The following DMRT3 variants were observed in gnomAD, a reference collection of about 807,000 sequenced individuals.
DMRT3 encodes doublesex and mab-3 related transcription factor 3.
In DMRT3, 29 loss-of-function variants were observed where a neutral mutation model predicts 34.9. The ratio of observed to expected loss-of-function variants is 0.83; its 90% CI spans 0.62 to 1.13. The LOEUF (loss-of-function observed/expected upper bound fraction) is 1.13, where lower values mean the gene tolerates loss of function less well. Among genes scored for constraint, DMRT3 ranks in the 50% most tolerant of loss-of-function variants. DMRT3 has a pLI of 0.00. For synonymous variants in DMRT3, 350 were observed against 286.0 expected (o/e 1.22, Z -2.26); for missense variants, 772 against 629.1 (o/e 1.23, Z -2.43).
rs770965646 is a variant in DMRT3, at chr9:990,909, G to A, written c.1323G>A (p.Gly441=). The part of the protein sequence containing the change: ...EDPRISIPDD[G]CPFVSKQSIY... ...CTCGGATTTCCATCCCTGATGATGG[G>A]TGTCCATTTGTGTCAAAGCAGTCCA... The change falls in exon 2 of 2, where the codon GGG becomes GGA. Residue 441 remains glycine (G), a synonymous_variant. Transcript: ENST00000190165. The A allele has an allele frequency of 1.2e-6, 2 of 1,614,138 alleles. No homozygotes were observed. The highest frequency in any genetic ancestry group is 1.7e-5 in the Admixed American group (1 of 60,028).
chr9:978,580 A>G (rs928347691), intron 1 of DMRT3, among the ~76,000 whole-genome samples: 3 of 152,208 alleles, frequency 2.0e-5, no homozygotes, highest in African/African-American at 7.2e-5. Context: ...CTTCGGAGAA[A>G]GGCTTTCAGG....
At position 990,655 on chromosome 9, in the gene DMRT3, C is replaced by T. The variant is rs763729069; in HGVS notation, c.1069C>T (p.Pro357Ser). The T allele has an allele frequency of 1.9e-5, 31 of 1,613,912 alleles. No individual in the cohort carries two copies. The highest frequency in any genetic ancestry group is 6.7e-5 in the African/African-American group (5 of 74,904). Reference sequence around the variant, plus strand: ...CGTTGTCCCCAGTCCCTTGGCTGGGCCTCTGCAGCCCCCTTTCCCCCAGCC... The same window carrying T: ...CGTTGTCCCCAGTCCCTTGGCTGGGTCTCTGCAGCCCCCTTTCCCCCAGCC... ...SNVVPSPLAG[P>S]LQPPFPQPPR... Residue 357 changes from proline (P) to serine (S), a missense_variant, in exon 2 of 2, where the codon CCT becomes TCT. Coordinates refer to ENST00000190165, the MANE Select transcript of DMRT3 (RefSeq NM_021240.4).
chr9:979,482 C>CGAG (rs959805615), intron 1 of DMRT3, among the ~76,000 whole-genome samples: 1 of 152,058 alleles, frequency 6.6e-6, no homozygotes, highest in African/African-American at 2.4e-5. Context: ...TTTGGGGGAC[C>CGAG]GAGGCATCAG....
chr9:991,595 A>G lies in DMRT3; in HGVS notation c.*590A>G, dbSNP rs1820364558. On this transcript the variant is annotated 3_prime_UTR_variant, in exon 2 of 2. Coordinates refer to ENST00000190165, the MANE Select transcript of DMRT3 (RefSeq NM_021240.4). ...ACTCTTTTCACATGGCTGAATCGAA[A>G]CATGTGTAATGTCAATGTAAAACCA... is the stretch of plus-strand genomic sequence containing the variant. 1 of 152,862 alleles carries G rather than the reference A, an allele frequency of 6.5e-6. No individual in the cohort carries two copies. Among genetic ancestry groups the G allele is most frequent in the Non-Finnish European group, 1.5e-5 (1 of 68,216 alleles). The allele number at this position is 152,862 out of a possible 1,614,324, so 9.5% of individuals were successfully genotyped here. A position where few individuals can be genotyped will look rare whatever the true frequency, so the allele number is the denominator to read the frequency against.
chr9:978,556 G>A (rs1159341991), intron 1 of DMRT3, among the ~76,000 whole-genome samples: 1 of 152,234 alleles, frequency 6.6e-6, no homozygotes, highest in Non-Finnish European at 1.5e-5. Flanking sequence ...ACTCCCTAAA[G>A]ACGGTACCCC....
chr9:989,250 G>C (rs191947794), intron 1 of DMRT3, among the ~76,000 whole-genome samples: 2 of 152,200 alleles, frequency 1.3e-5, no homozygotes, highest in Non-Finnish European at 2.9e-5. Flanking sequence ...AGTGTGATGC[G>C]TTGTTTCATT....
At position 977,299 on chromosome 9, in the gene DMRT3, CCGGGGGACGCCGT is replaced by C; in HGVS notation, c.301_313del (p.Gly101ProfsTer49). On this transcript the variant is annotated frameshift_variant, in exon 1 of 2. Coordinates refer to ENST00000190165, the MANE Select transcript of DMRT3 (RefSeq NM_021240.4). LOFTEE classifies it high-confidence loss of function. The stretch of plus-strand genomic sequence containing the variant: ...GCGCGCTCTGCCAGGGCCCCCGCCG[CCGGGGGACGCCGT>C]CGCCGCCCCGCAGCCGCCGCCAGCC... The C allele has an allele frequency of 2.2e-6, 3 of 1,368,906 alleles. No homozygotes were observed. The highest frequency in any genetic ancestry group is 1.9e-6 in the Non-Finnish European group (2 of 1,056,716). 84.8% of individuals were successfully genotyped at this position (1,368,906 alleles called of 1,614,324 possible). A position where few individuals can be genotyped will look rare whatever the true frequency, so the allele number is the denominator to read the frequency against.
chr9:980,861 C>T (rs1368372396), intron 1 of DMRT3, among the ~76,000 whole-genome samples: 1 of 152,300 alleles, frequency 6.6e-6, no homozygotes, highest in Admixed American at 6.5e-5. Flanking sequence ...GCTCCCTTCC[C>T]TACCCCCAAC....
Position 990,322 on chromosome 9 carries a change from A to G in DMRT3, c.736A>G (p.Lys246Glu). Residue 246 changes from lysine to glutamate, a missense_variant, in exon 2 of 2, where the codon AAA becomes GAA. Physicochemically the swap from Lys to Glu is moderately conservative, Grantham distance 56. Coordinates refer to ENST00000190165, the MANE Select transcript of DMRT3 (RefSeq NM_021240.4). Reference protein sequence around the residue: ...SGTVSLPFSLKANRPPLEVLK... With the variant: ...SGTVSLPFSLEANRPPLEVLK... ...GACTGTTTCTCTGCCCTTCAGCTTGAAAGCCAACAGACCGCCGCTTGAAGT... is the reference window on the plus strand; with the variant it reads ...GACTGTTTCTCTGCCCTTCAGCTTGGAAGCCAACAGACCGCCGCTTGAAGT... The G allele has an allele frequency of 1.9e-6, 3 of 1,613,858 alleles. No homozygotes were observed. The highest frequency in any genetic ancestry group is 2.2e-5 in the South Asian group (2 of 91,058).
intron 1 of DMRT3, among the ~76,000 whole-genome samples, chr9:986,618 C>T (rs544759530): frequency 6.6e-6 from 1 of 152,028 alleles, no homozygotes; most frequent in South Asian, 2.1e-4. Flanking sequence ...GCTGGCCGGG[C>T]GTGGTGGCTG....
At position 990,743 on chromosome 9, in the gene DMRT3, C is replaced by T. The variant is rs1274237703; in HGVS notation, c.1157C>T (p.Pro386Leu). Residue 386 changes from proline to leucine, a missense_variant, in exon 2 of 2, where the codon CCC (proline) becomes CTC (leucine). Transcript: ENST00000190165. ...AGAAGCCAGTCGAGCCCCTTTTTGC[C>T]CAATGATGTCACCCTGTGGAACACC... Reference protein sequence around the residue: ...LARSQSSPFLPNDVTLWNTMT... With the variant: ...LARSQSSPFLLNDVTLWNTMT... The T allele has an allele frequency of 2.5e-6, 4 of 1,614,116 alleles. No homozygotes were observed. The highest frequency in any genetic ancestry group is 3.4e-6 in the Non-Finnish European group (4 of 1,180,014).
In DMRT3 at chr9:976,946, G is replaced by T. The variant is rs1011001859; in HGVS notation, c.-56G>T. The T allele has an allele frequency of 3.6e-6, 5 of 1,392,080 alleles. No individual in the cohort carries two copies. Among genetic ancestry groups the T allele is most frequent in the Non-Finnish European group, 4.7e-6 (5 of 1,070,094 alleles). The allele number at this position is 1,392,080 out of a possible 1,614,324, so 86.2% of individuals were successfully genotyped here. The stretch of plus-strand genomic sequence containing the variant: ...GCGGGCCTCGCAGCCCCGCCGTCCA[G>T]CGCTCCCTGGCCCTCTCCCGCAGCC... On this transcript the variant is annotated 5_prime_UTR_variant, in exon 1 of 2. Transcript: ENST00000190165. This position sits in a 1 kb window ranked among gnomAD's most constrained non-coding sequence, Gnocchi z 4.5.
intron 1 of DMRT3, chr9:989,738 G>T: frequency 4.3e-6 from 1 of 230,838 alleles, no homozygotes; most frequent in Non-Finnish European, 8.5e-6. Flanking sequence ...GCTCTCTATT[G>T]AGATTGTTAC....
At position 985,585 on chromosome 9, in the gene DMRT3, CTG is replaced by C. The variant is rs564133141; in HGVS notation, c.455-4454_455-4453del. Among the ~76,000 whole-genome samples, 7 of 152,282 alleles carry C rather than the reference CTG, an allele frequency of 4.6e-5. No homozygotes were observed. The South Asian group carries it at 1.5e-3, about 32-fold the overall frequency. On this transcript the variant is annotated intron_variant, in intron 1 of 1. Coordinates refer to ENST00000190165, the MANE Select transcript of DMRT3 (RefSeq NM_021240.4). ...ACCCTCTATAATTACCTGTGAAAGT[CTG>C]TATTTATAATAGAATAATTTACAAT...
rs1820343729 is a variant in DMRT3, at chr9:990,471, A to C, written c.885A>C (p.Ala295=). The change falls in exon 2 of 2, where the codon GCA becomes GCC. Residue 295 remains alanine (A), a synonymous_variant. Coordinates refer to ENST00000190165, the MANE Select transcript of DMRT3 (RefSeq NM_021240.4). ...LLSSRSSVTG[A]ERTSAEPESL... is the part of the protein sequence containing the mutation. ...CCAGCCGATCCTCAGTCACGGGAGCAGAGCGAACTTCCGCAGAACCTGAGA... is the reference window on the plus strand; with the variant it reads ...CCAGCCGATCCTCAGTCACGGGAGCCGAGCGAACTTCCGCAGAACCTGAGA... 1 of 1,614,074 alleles carries C rather than the reference A, an allele frequency of 6.2e-7. No individual in the cohort carries two copies. The highest frequency in any genetic ancestry group is 1.3e-5 in the African/African-American group (1 of 74,930).
Position 977,313 on chromosome 9 carries a change from C to G in DMRT3, c.312C>G (p.Val104=). ...GGCCCCCGCCGCCGGGGGACGCCGT[C>G]GCCGCCCCGCAGCCGCCGCCAGCCT... ...LPGPPPPGDA[V]AAPQPPPASQ... The change falls in exon 1 of 2, where the codon GTC becomes GTG. Residue 104 remains valine (V), a synonymous_variant. Transcript: ENST00000190165. 1 of 1,320,708 alleles carries G rather than the reference C, an allele frequency of 7.6e-7. No homozygotes were observed. Among genetic ancestry groups the G allele is most frequent in the Non-Finnish European group, 9.7e-7 (1 of 1,034,078 alleles). 81.8% of individuals were successfully genotyped at this position (1,320,708 alleles called of 1,614,324 possible).
chr9:989,235 G>A (rs1000700040), intron 1 of DMRT3, among the ~76,000 whole-genome samples: 4 of 152,204 alleles, frequency 2.6e-5, no homozygotes, highest in Admixed American at 1.3e-4. Flanking sequence ...CACCCGTGGC[G>A]GTGGAGTGTG....
intron 1 of DMRT3, among the ~76,000 whole-genome samples, chr9:981,994 G>A (rs1820226614): frequency 6.6e-6 from 1 of 152,174 alleles, no homozygotes; most frequent in South Asian, 2.1e-4. Flanking sequence ...CAGGAGTCCC[G>A]AGGTGAGTTG....
rs1260475769 is a variant in DMRT3 at position 990,142 on chromosome 9, A to C, written c.556A>C (p.Ser186Arg). 5 of 1,614,032 alleles carry C rather than the reference A, an allele frequency of 3.1e-6. No individual in the cohort carries two copies. The South Asian group carries it at 5.5e-5, about 18-fold the overall frequency. The change falls in exon 2 of 2, where the codon AGT (serine) becomes CGT (arginine). Residue 186 changes from serine (S) to arginine (R), a missense_variant. Coordinates refer to ENST00000190165, the MANE Select transcript of DMRT3 (RefSeq NM_021240.4). Reference protein sequence around the residue: ...DQRSSPDVAKSKGCFTPESPE... With the variant: ...DQRSSPDVAKRKGCFTPESPE... ...GAGGAGTTCCCCAGATGTGGCAAAG[A>C]GTAAGGGCTGCTTCACCCCTGAGAG...
Sources: gnomAD v4.1 joint callset for allele counts (sites outside exome capture counted in the v4.1 genomes callset) on GRCh38, gnomAD v4.1.1 for gene constraint, Gnocchi (gnomAD v3.1) non-coding constraint, MANE v1.5 for transcripts, NCBI Gene and HGNC (gene_info 2026-07-23, HGNC 2026-07-21) for gene names.